The following TBC1D30 variants were observed in gnomAD, a reference collection of about 807,000 sequenced individuals.
The protein encoded by TBC1D30 is TBC1 domain family member 30.
TBC1D30 carries 31 observed loss-of-function variants against 63.2 expected under a neutral mutation model. That is an observed-to-expected ratio of 0.49 (90% confidence interval 0.37 to 0.66). The LOEUF (loss-of-function observed/expected upper bound fraction) is 0.66. TBC1D30 is among the 30% of genes least tolerant of loss of function. The pLI is 0.00. For missense variants in TBC1D30, 810 were observed against 953.6 expected (o/e 0.85, Z 1.98); for synonymous variants, 307 against 361.5 (o/e 0.85, Z 1.71).
rs762227608 is a variant in TBC1D30 at position 64,875,247 on chromosome 12, A to G, written c.1745A>G (p.His582Arg). 5 of 1,536,258 alleles carry G rather than the reference A, an allele frequency of 3.3e-6. No homozygotes were observed. The South Asian group carries it at 4.8e-5, about 15-fold the overall frequency. The part of the protein sequence containing the change: ...HKKNMPRTKS[H>R]PGCGDTVGLI... ...AAGAACATGCCAAGGACCAAGAGTC[A>G]TCCGGGCTGTGGGGACACCGTAGGG... Residue 582 changes from histidine (H) to arginine (R), a missense_variant, in exon 12 of 12, where the codon CAT becomes CGT. His to Arg is a conservative substitution (Grantham distance 29, BLOSUM62 0). Transcript: ENST00000539867.
intron 2 of TBC1D30, among the ~76,000 whole-genome samples, chr12:64,805,229 A>G (rs775095268): frequency 2.0e-5 from 3 of 152,176 alleles, no homozygotes; most frequent in African/African-American, 7.2e-5. Flanking sequence ...AAAATAAAAA[A>G]GAGACTTCTT....
In TBC1D30 at chr12:64,824,870, G is replaced by T; in HGVS notation, c.-10G>T. On this transcript the variant is annotated 5_prime_UTR_variant, in exon 1 of 12. Transcript: ENST00000539867. ...GACGGTAGCCGTGCCAGAGCCCGGG[G>T]CGCTCTCGGATGCGGCAGGACAAGC... is the stretch of plus-strand genomic sequence containing the variant. 6.5e-7 allele frequency: 1 copy of T among 1,532,648 alleles called. No individual in the cohort carries two copies. The highest frequency in any genetic ancestry group is 8.7e-7 in the Non-Finnish European group (1 of 1,145,942). The allele number at this position is 1,532,648 out of a possible 1,614,324, so 94.9% of individuals were successfully genotyped here.
In TBC1D30 at chr12:64,878,617, G is replaced by T. The variant is rs1879251932; in HGVS notation, c.*2829G>T. 2.2e-6 allele frequency: 1 copy of T among 448,398 alleles called. No individual in the cohort carries two copies. 27.8% of individuals were successfully genotyped at this position (448,398 alleles called of 1,614,324 possible). A position where few individuals can be genotyped will look rare whatever the true frequency, so the allele number is the denominator to read the frequency against. ...TTGATCACAAAGCTATATGCATAAA[G>T]ATTCTCATTGTTGTAACTGTTCTGC... is the stretch of plus-strand genomic sequence containing the variant. On this transcript the variant is annotated 3_prime_UTR_variant, in exon 12 of 12. Transcript: ENST00000539867.
At chr12:64,766,720 C>G (rs923995262) in intron 1 of TBC1D30, among the ~76,000 whole-genome samples, 2 of 152,162 alleles carry the variant, frequency 1.3e-5, no homozygotes, top group Non-Finnish European at 2.9e-5. Context: ...ACAGAACTCT[C>G]CACCCAACAA....
At chr12:64,806,656 C>G (rs1462923009) in intron 2 of TBC1D30, among the ~76,000 whole-genome samples, 1 of 152,128 alleles carries the variant, frequency 6.6e-6, no homozygotes, top group African/African-American at 2.4e-5. Context: ...GCCATGTGAT[C>G]CAGCAAATCT....
chr12:64,770,668 C>T lies in TBC1D30; in HGVS notation c.-376+11019C>T, dbSNP rs112285682. Among the ~76,000 whole-genome samples, 17 of 152,134 alleles carry T rather than the reference C, an allele frequency of 1.1e-4. 2 individuals carry two copies. The highest frequency in any genetic ancestry group is 4.1e-4 in the African/African-American group (17 of 41,506). ...ACTTCTCATGCACGTGGCCATTGTC[C>T]CATATGACTGCACTTATAAAACACC... On this transcript the variant is annotated intron_variant, in intron 1 of 13. Coordinates refer to the TBC1D30 transcript ENST00000674237.
At chr12:64,818,929 G>A (rs948593290) in intron 2 of TBC1D30, among the ~76,000 whole-genome samples, 7 of 152,020 alleles carry the variant, frequency 4.6e-5, no homozygotes, top group South Asian at 2.1e-4. Flanking sequence ...AGTCAGTTTC[G>A]GTCATTTTGA....
upstream of TBC1D30, among the ~76,000 whole-genome samples, chr12:64,776,854 C>T (rs1362431726): frequency 6.6e-6 from 1 of 152,178 alleles, no homozygotes; most frequent in Non-Finnish European, 1.5e-5. Flanking sequence ...ATGCAAAAAT[C>T]CTCAACAAAA....
rs1213514595 is a variant in TBC1D30, at chr12:64,877,971, G to A, written c.*2183G>A. ...AAGTCCTTGGGATTGTACCATTGCT[G>A]TCCACAAACTTAGTATCAACAACAC... On this transcript the variant is annotated 3_prime_UTR_variant, in exon 12 of 12. Transcript: ENST00000539867. The A allele has an allele frequency of 6.3e-6, 1 of 158,694 alleles. No individual in the cohort carries two copies. The highest frequency in any genetic ancestry group is 1.4e-5 in the Non-Finnish European group (1 of 71,590). The allele number at this position is 158,694 out of a possible 1,614,324, so 9.8% of individuals were successfully genotyped here. A position where few individuals can be genotyped will look rare whatever the true frequency, so the allele number is the denominator to read the frequency against.
At chr12:64,774,372 G>T in intron 1 of TBC1D30, among the ~76,000 whole-genome samples, 1 of 152,126 alleles carries the variant, frequency 6.6e-6, no homozygotes, top group Admixed American at 6.5e-5. Context: ...CACATTTCAG[G>T]ATATCATCCC....
At chr12:64,810,238 G>A (rs997614331) in intron 2 of TBC1D30, among the ~76,000 whole-genome samples, 2 of 152,158 alleles carry the variant, frequency 1.3e-5, no homozygotes, top group East Asian at 3.8e-4. Flanking sequence ...TGCTTCATAC[G>A]TGGTCTGTGT....
At chr12:64,869,963 G>T (rs544800405) in intron 10 of TBC1D30, among the ~76,000 whole-genome samples, 32 of 152,144 alleles carry the variant, frequency 2.1e-4, no homozygotes, top group African/African-American at 7.5e-4. Flanking sequence ...ACCTAGTATT[G>T]TTTCTCTTTT....
intron 1 of TBC1D30, among the ~76,000 whole-genome samples, chr12:64,770,981 G>A (rs1870887734): frequency 2.0e-5 from 3 of 151,690 alleles, no homozygotes. Flanking sequence ...CCCAGTGCTG[G>A]GATTATAGCC....
chr12:64,876,240 G>A lies in TBC1D30; in HGVS notation c.*452G>A, dbSNP rs567031237. ...CTGTAAAAAGAAAGTAAGTTTCTTCGTTACAAAAAACTTCCTGATTTTCCT... is the reference window on the plus strand; with the variant it reads ...CTGTAAAAAGAAAGTAAGTTTCTTCATTACAAAAAACTTCCTGATTTTCCT... On this transcript the variant is annotated 3_prime_UTR_variant, in exon 12 of 12. Coordinates refer to ENST00000539867, the MANE Select transcript of TBC1D30 (RefSeq NM_015279.2). The A allele has an allele frequency of 8.0e-4, 126 of 158,058 alleles. 1 individual carries two copies. In the South Asian group the frequency reaches 0.016, roughly 20 times the overall value. 9.8% of individuals were successfully genotyped at this position (158,058 alleles called of 1,614,324 possible). A position where few individuals can be genotyped will look rare whatever the true frequency, so the allele number is the denominator to read the frequency against.
chr12:64,817,365 C>G (rs1873605974), intron 2 of TBC1D30, among the ~76,000 whole-genome samples: 1 of 152,170 alleles, frequency 6.6e-6, no homozygotes, highest in Non-Finnish European at 1.5e-5. Context: ...GATGAGGAAA[C>G]TGAAACCCAG....
At chr12:64,827,963 A>C in intron 2 of TBC1D30, 67 bp downstream of exon 2, 6 of 1,065,100 alleles carry the variant, frequency 5.6e-6, no homozygotes, top group Non-Finnish European at 8.2e-6. Context: ...ATATATTCTC[A>C]AAGTGGAAAT....
At chr12:64,820,281 C>T (rs979136510), upstream of TBC1D30, among the ~76,000 whole-genome samples, 1 of 152,300 alleles carries the variant, frequency 6.6e-6, no homozygotes, top group Middle Eastern at 3.4e-3. Flanking sequence ...CTGACTTCTT[C>T]CCCCTTCTCC....
At chr12:64,761,822 C>G (rs962777345) in intron 1 of TBC1D30, among the ~76,000 whole-genome samples, 4 of 152,178 alleles carry the variant, frequency 2.6e-5, no homozygotes, top group Non-Finnish European at 4.4e-5. Context: ...TCACTTTACT[C>G]TATGGTCTTG....
chr12:64,762,408 A>T (rs1377621591), intron 1 of TBC1D30, among the ~76,000 whole-genome samples: 1 of 152,238 alleles, frequency 6.6e-6, no homozygotes, highest in Admixed American at 6.5e-5. Flanking sequence ...AGATTGGAAG[A>T]GGACAAGCAT....
Sources: gnomAD v4.1 joint callset for allele counts (sites outside exome capture counted in the v4.1 genomes callset) on GRCh38, gnomAD v4.1.1 for gene constraint, MANE v1.5 for transcripts, NCBI Gene and HGNC (gene_info 2026-07-23, HGNC 2026-07-21) for gene names.